Variants in SLC38A4 observed in about 807,000 individuals in gnomAD.
SLC38A4 encodes the protein sodium-coupled neutral amino acid transporter 4.
Under a neutral mutation model 63.1 loss-of-function variants are expected in SLC38A4, and 20 were observed. That is an observed-to-expected ratio of 0.32 (90% CI 0.22 to 0.46). SLC38A4 has a LOEUF of 0.46. SLC38A4 is among the 20% of genes least tolerant of loss of function. The pLI, the probability that SLC38A4 is intolerant of heterozygous loss-of-function variation, is 1.00. For missense variants in SLC38A4, 526 were observed against 663.6 expected, an observed-to-expected ratio of 0.79 and a Z score of 2.28; for synonymous variants, 230 against 225.5, an observed-to-expected ratio of 1.02 and a Z score of -0.18.
rs146770843 is a variant in SLC38A4 at position 46,786,682 on chromosome 12, A to G, written c.326+1234T>C. Among the ~76,000 whole-genome samples the G allele has an allele frequency of 3.3e-3, 506 of 152,278 alleles. 2 individuals are homozygous for G. The highest frequency in any genetic ancestry group is 0.012 in the African/African-American group (493 of 41,572). ...ATTCAGATTATTAAAATCCTAGTTT[A>G]TTTCAAAACATGGCTTATATAAAAG... On this transcript the variant is annotated intron_variant, in intron 5 of 16. Coordinates refer to ENST00000266579, the MANE Select transcript of SLC38A4 (RefSeq NM_018018.5).
At chr12:46,794,848 T>C (rs962112150) in intron 2 of SLC38A4, among the ~76,000 whole-genome samples, 11 of 151,780 alleles carry the variant, frequency 7.2e-5, no homozygotes, top group Admixed American at 6.6e-4. Context: ...TTTAAAAAAA[T>C]AGCACACAGT....
chr12:46,786,102 G>A (rs959891588), intron 5 of SLC38A4, among the ~76,000 whole-genome samples: 1 of 151,946 alleles, frequency 6.6e-6, no homozygotes, highest in Non-Finnish European at 1.5e-5. Flanking sequence ...TTTCCATAGA[G>A]TATGTTTGCC....
chr12:46,769,183 A>G, intron 15 of SLC38A4, 101 bp downstream of exon 15: 17 of 1,317,882 alleles, frequency 1.3e-5, no homozygotes, highest in Non-Finnish European at 1.8e-5. Context: ...CATGAGCCTG[A>G]GAAAGAACGG....
intron 1 of SLC38A4, chr12:46,824,520 G>A (rs1939609342): frequency 6.6e-6 from 1 of 152,038 alleles, no homozygotes; most frequent in Non-Finnish European, 1.5e-5. Flanking sequence ...AAAAGCAAAG[G>A]AAAATGTGCA....
chr12:46,774,200 G>A (rs1419540751), intron 14 of SLC38A4, among the ~76,000 whole-genome samples: 3 of 152,186 alleles, frequency 2.0e-5, no homozygotes, highest in Admixed American at 2.0e-4. Flanking sequence ...TGCATTTAAA[G>A]TGACCACAGT....
Position 46,788,513 on chromosome 12 carries a change from C to T in SLC38A4, c.210+15G>A. The stretch of plus-strand genomic sequence containing the variant: ...CTCAGTCCCGTTTATTGCCTGAAAG[C>T]ATAGATTCACTTACGTGTTCATCAG... On this transcript the variant is annotated intron_variant, in intron 4 of 16. Transcript: ENST00000266579. 3 of 1,604,570 alleles carry T rather than the reference C, an allele frequency of 1.9e-6. No individual in the cohort carries two copies. The highest frequency in any genetic ancestry group is 2.6e-6 in the Non-Finnish European group (3 of 1,172,296).
intron 1 of SLC38A4, among the ~76,000 whole-genome samples, chr12:46,825,653 T>C (rs17097355): frequency 0.014 from 2,073 of 152,202 alleles, 39 homozygotes; most frequent in African/African-American, 0.047. Context: ...CTCTGCATCC[T>C]TGAAACACAT....
At chr12:46,781,953 A>C (rs974328886) in intron 7 of SLC38A4, among the ~76,000 whole-genome samples, 1 of 152,030 alleles carries the variant, frequency 6.6e-6, no homozygotes, top group Non-Finnish European at 1.5e-5. Context: ...GTTTGAAACA[A>C]ATGTAAAGTG....
At position 46,823,688 on chromosome 12, in the gene SLC38A4, G is replaced by T. The variant is rs1160334248; in HGVS notation, c.-305+2215C>A. ...CTGAAATTCCAGAATGTGAAATTCC[G>T]AAACCTCAACGGGATATTTACAAAT... On this transcript the variant is annotated intron_variant, in intron 1 of 16. Transcript: ENST00000266579. Among the ~76,000 whole-genome samples, 3 of 152,192 alleles carry T rather than the reference G, an allele frequency of 2.0e-5. No homozygotes were observed. In the East Asian group the frequency reaches 5.8e-4, roughly 29 times the overall value.
intron 14 of SLC38A4, among the ~76,000 whole-genome samples, chr12:46,773,168 C>A (rs1242768525): frequency 6.6e-6 from 1 of 152,106 alleles, no homozygotes; most frequent in African/African-American, 2.4e-5. Context: ...AGATCCTCAA[C>A]CCAGCTGAAT....
At chr12:46,823,438 T>A (rs1326324400) in intron 1 of SLC38A4, among the ~76,000 whole-genome samples, 2 of 152,220 alleles carry the variant, frequency 1.3e-5, no homozygotes, top group African/African-American at 4.8e-5. Flanking sequence ...GATCTACCTA[T>A]AAAAAGAGTT....
At chr12:46,825,554 A>G (rs1939633066) in intron 1 of SLC38A4, among the ~76,000 whole-genome samples, 1 of 152,212 alleles carries the variant, frequency 6.6e-6, no homozygotes, top group African/African-American at 2.4e-5. Context: ...CTTTTCAGGC[A>G]TTCACAAAGC....
At chr12:46,800,035 C>T (rs2250010) in intron 2 of SLC38A4, among the ~76,000 whole-genome samples, 110,097 of 151,972 alleles carry the variant, frequency 0.72, 40,694 homozygotes, top group Non-Finnish European at 0.8. Flanking sequence ...AAGAATATTG[C>T]TGGCAAACAC....
intron 3 of SLC38A4, among the ~76,000 whole-genome samples, chr12:46,790,080 C>T (rs547351973): frequency 2.0e-5 from 3 of 149,324 alleles, no homozygotes; most frequent in Admixed American, 6.6e-5. Context: ...CTCTGTCTGT[C>T]TCAATAAATA....
chr12:46,784,026 G>A (rs77010039), intron 7 of SLC38A4, among the ~76,000 whole-genome samples: 110 of 152,040 alleles, frequency 7.2e-4, no homozygotes, highest in Admixed American at 1.8e-3. Context: ...AACAAACCGG[G>A]GTTTATAGTG....
intron 7 of SLC38A4, among the ~76,000 whole-genome samples, chr12:46,783,558 G>A (rs557852923): frequency 6.6e-6 from 1 of 152,116 alleles, no homozygotes; most frequent in East Asian, 1.9e-4. Flanking sequence ...GATCATCTGT[G>A]GTCATGAGGA....
intron 2 of SLC38A4, among the ~76,000 whole-genome samples, chr12:46,796,260 C>G (rs1939000989): frequency 6.6e-6 from 1 of 151,982 alleles, no homozygotes; most frequent in Admixed American, 6.6e-5. Flanking sequence ...TTTTTCATAT[C>G]ACTTTTTTTG....
intron 1 of SLC38A4, among the ~76,000 whole-genome samples, chr12:46,804,252 C>T (rs148736024): frequency 1.3e-5 from 2 of 151,800 alleles, no homozygotes; most frequent in African/African-American, 2.4e-5. Context: ...CCTACACCAA[C>T]GGCAGTGTGC....
chr12:46,783,274 TAA>T (rs1491126245), intron 7 of SLC38A4, among the ~76,000 whole-genome samples: 1 of 140,282 alleles, frequency 7.1e-6, no homozygotes. Context: ...GATAGATAGA[TAA>T]AGATAGATAG....
Sources: gnomAD v4.1 joint callset for allele counts (sites outside exome capture counted in the v4.1 genomes callset) on GRCh38, gnomAD v4.1.1 for gene constraint, MANE v1.5 for transcripts, NCBI Gene and HGNC (gene_info 2026-07-23, HGNC 2026-07-21) for gene names.